The following CNEP1R1 variants were observed in gnomAD, a reference collection of about 807,000 sequenced individuals.
CNEP1R1 encodes the protein CTD nuclear envelope phosphatase 1 regulatory subunit 1, also known as nuclear envelope phosphatase-regulatory subunit 1.
In CNEP1R1, 10 loss-of-function variants were observed where a neutral mutation model predicts 22.7. That is an observed-to-expected ratio of 0.44 (90% confidence interval 0.27 to 0.75). The LOEUF is 0.75. Ranked by LOEUF, CNEP1R1 falls within the 30% of genes least tolerant of loss-of-function variation. The pLI is 0.17. For synonymous variants in CNEP1R1, 53 were observed against 50.1 expected (o/e 1.06, Z -0.25); for missense variants, 73 against 151.5 (o/e 0.48, Z 2.72).
intron 2 of CNEP1R1, among the ~76,000 whole-genome samples, chr16:50,027,605 G>T (rs1235363969): frequency 6.6e-6 from 1 of 151,680 alleles, no homozygotes; most frequent in Admixed American, 6.6e-5. Context: ...CGAGGCTGTA[G>T]TGAGCTATGT....
At chr16:50,030,926 T>C (rs1235710103) in intron 3 of CNEP1R1, among the ~76,000 whole-genome samples, 1 of 152,244 alleles carries the variant, frequency 6.6e-6, no homozygotes, top group African/African-American at 2.4e-5. Context: ...GATTTCATAA[T>C]GTTATTCCTT....
At chr16:50,028,691 A>G (rs908505375) in intron 2 of CNEP1R1, among the ~76,000 whole-genome samples, 2 of 152,192 alleles carry the variant, frequency 1.3e-5, no homozygotes, top group African/African-American at 4.8e-5. Context: ...CCAGTCAAAT[A>G]AAGCATGTGT....
Position 50,035,510 on chromosome 16 carries a change from G to A in CNEP1R1, c.*52G>A. ...TAAAATAGCCTTTCTTCGAATAAGTGATACAGCAAAAAGCCATAAAGGATT... is the reference window on the plus strand; with the variant it reads ...TAAAATAGCCTTTCTTCGAATAAGTAATACAGCAAAAAGCCATAAAGGATT... On this transcript the variant is annotated 3_prime_UTR_variant, in exon 6 of 6. Coordinates refer to ENST00000427478, the MANE Select transcript of CNEP1R1 (RefSeq NM_001281789.2). 1 of 1,335,318 alleles carries A rather than the reference G, an allele frequency of 7.5e-7. No homozygotes were observed. The highest frequency in any genetic ancestry group is 1.1e-6 in the Non-Finnish European group (1 of 949,838). 82.7% of individuals were successfully genotyped at this position (1,335,318 alleles called of 1,614,324 possible).
At chr16:50,032,368 C>G (rs1369031761) in intron 3 of CNEP1R1, among the ~76,000 whole-genome samples, 1 of 152,188 alleles carries the variant, frequency 6.6e-6, no homozygotes, top group African/African-American at 2.4e-5. Context: ...GTGGATTGTC[C>G]TGTTTTCTGC....
intron 2 of CNEP1R1, chr16:50,026,790 C>T (rs181626976): frequency 4.4e-6 from 1 of 225,014 alleles, no homozygotes; most frequent in East Asian, 9.9e-5. Flanking sequence ...GCGTGGCCAA[C>T]ACGGTGAAAC....
chr16:50,028,019 G>A (rs1017970815), intron 2 of CNEP1R1, among the ~76,000 whole-genome samples: 5 of 152,116 alleles, frequency 3.3e-5, no homozygotes, highest in African/African-American at 1.2e-4. Flanking sequence ...GTGCAGTGGC[G>A]CCATCTTCGC....
intron 3 of CNEP1R1, among the ~76,000 whole-genome samples, chr16:50,032,169 G>A (rs2036236333): frequency 6.6e-6 from 1 of 152,198 alleles, no homozygotes. Flanking sequence ...CCTGCTGTGA[G>A]AGTGGAGTGG....
chr16:50,033,297 T>A, intron 3 of CNEP1R1, 100 bp from the exon 4 acceptor site: 1 of 497,902 alleles, frequency 2.0e-6, no homozygotes, highest in South Asian at 3.6e-5. Context: ...ATGGTTTATA[T>A]GATAAAAAAT....
chr16:50,027,679 T>TAA (rs80075296), intron 2 of CNEP1R1, among the ~76,000 whole-genome samples: 1 of 142,434 alleles, frequency 7.0e-6, no homozygotes. Context: ...ACCCTGTGTT[T>TAA]AAAAAAAAAA....
chr16:50,026,317 TTAATGTTAGGTAAATA>T (rs2036182669), intron 1 of CNEP1R1, 63 bp from the exon 2 acceptor site: 4 of 986,820 alleles, frequency 4.1e-6, no homozygotes, highest in Non-Finnish European at 6.3e-6. Flanking sequence ...ACATGTCGTC[TTAATGTTAGGTAAATA>T]CTCTGACATT....
At chr16:50,028,107 G>A (rs968654980) in intron 2 of CNEP1R1, among the ~76,000 whole-genome samples, 1 of 152,038 alleles carries the variant, frequency 6.6e-6, no homozygotes, top group Non-Finnish European at 1.5e-5. Context: ...ACAGGTGCCC[G>A]CCACCACGGC....
intron 3 of CNEP1R1, among the ~76,000 whole-genome samples, chr16:50,030,491 T>C (rs907960881): frequency 1.6e-4 from 25 of 152,228 alleles, no homozygotes; most frequent in African/African-American, 5.8e-4. Flanking sequence ...ATGAGTTATC[T>C]CTGTTAATAC....
At position 50,036,627 on chromosome 16, in the gene CNEP1R1, G is replaced by C. The variant is rs2036281739; in HGVS notation, c.*1169G>C. Reference sequence around the variant, plus strand: ...CTATGCCTTCACCAGAATAACTTGGGAGTGGTGCCAGAAACTAGAGTCTAC... The same window carrying C: ...CTATGCCTTCACCAGAATAACTTGGCAGTGGTGCCAGAAACTAGAGTCTAC... On this transcript the variant is annotated 3_prime_UTR_variant, in exon 6 of 6. Transcript: ENST00000427478. The C allele has an allele frequency of 6.6e-6, 1 of 152,452 alleles. No individual in the cohort carries two copies. The highest frequency in any genetic ancestry group is 2.4e-5 in the African/African-American group (1 of 41,410). The allele number at this position is 152,452 out of a possible 1,614,324, so 9.4% of individuals were successfully genotyped here.
chr16:50,027,532 C>G (rs1042175261), intron 2 of CNEP1R1, among the ~76,000 whole-genome samples: 2 of 146,712 alleles, frequency 1.4e-5, no homozygotes, highest in African/African-American at 5.0e-5. Flanking sequence ...AAAAATTTAG[C>G]CAGGCATGGT....
rs1259243591 is a variant in CNEP1R1 at position 50,035,807 on chromosome 16, A to T, written c.*349A>T. The T allele has an allele frequency of 6.4e-5, 12 of 188,818 alleles. No individual in the cohort carries two copies. The highest frequency in any genetic ancestry group is 1.2e-4 in the Non-Finnish European group (11 of 92,068). The allele number at this position is 188,818 out of a possible 1,614,324, so 11.7% of individuals were successfully genotyped here. ...GCAAACTACTGTAAATAGCAAATCAATGCCAATGTTAAACAAAGAGGAAAA... is the reference window on the plus strand; with the variant it reads ...GCAAACTACTGTAAATAGCAAATCATTGCCAATGTTAAACAAAGAGGAAAA... On this transcript the variant is annotated 3_prime_UTR_variant, in exon 6 of 6. Transcript: ENST00000427478.
chr16:50,026,596 G>T, intron 2 of CNEP1R1, 129 bp downstream of exon 2: 1 of 694,276 alleles, frequency 1.4e-6, no homozygotes, highest in East Asian at 2.7e-5. Context: ...GCCTTATGAA[G>T]AAATTTTTAA....
intron 2 of CNEP1R1, 157 bp downstream of exon 2, chr16:50,026,624 T>G: frequency 1.6e-6 from 1 of 619,126 alleles, no homozygotes; most frequent in South Asian, 2.1e-5. Flanking sequence ...AAATTATAAC[T>G]GGCCTTCTCA....
chr16:50,032,579 A>C (rs1049550943), intron 3 of CNEP1R1, among the ~76,000 whole-genome samples: 1 of 152,226 alleles, frequency 6.6e-6, no homozygotes, highest in Non-Finnish European at 1.5e-5. Flanking sequence ...AGGATATGTA[A>C]GAGTTAGCCA....
chr16:50,031,155 A>G (rs1033208981), intron 3 of CNEP1R1, among the ~76,000 whole-genome samples: 10 of 152,196 alleles, frequency 6.6e-5, no homozygotes, highest in African/African-American at 2.4e-4. Context: ...TTAAGCTGCA[A>G]TTAAGTAGAC....
Sources: allele counts gnomAD v4.1 joint callset (sites outside exome capture counted in the v4.1 genomes callset), GRCh38; gene constraint gnomAD v4.1.1; transcripts MANE v1.5; gene names NCBI Gene and HGNC (gene_info 2026-07-23, HGNC 2026-07-21).